USPL1: variants seen among roughly 807,000 people sequenced by gnomAD.
USPL1 encodes SUMO-specific isopeptidase USPL1.
Under a neutral mutation model 51.5 loss-of-function variants are expected in USPL1, and 27 were observed. The ratio of observed to expected loss-of-function variants is 0.52; its 90% CI spans 0.39 to 0.72. The LOEUF (loss-of-function observed/expected upper bound fraction) is 0.72, where lower values mean the gene tolerates loss of function less well. Ranked by LOEUF, USPL1 falls within the 30% of genes least tolerant of loss-of-function variation. The pLI, the probability that USPL1 is intolerant of heterozygous loss-of-function variation, is 0.00. For synonymous variants in USPL1, 451 were observed against 459.6 expected, an observed-to-expected ratio of 0.98 and a Z score of 0.24; for missense variants, 1,226 against 1,268.0, an observed-to-expected ratio of 0.97 and a Z score of 0.50.
rs372887145 is a variant in USPL1 at position 30,635,027 on chromosome 13, GTTGA to G, written c.869-2713_869-2710del. Among the ~76,000 whole-genome samples, 579 of 152,148 alleles carry G rather than the reference GTTGA, an allele frequency of 3.8e-3. 3 individuals are homozygous for G. The highest frequency in any genetic ancestry group is 0.012 in the African/African-American group (517 of 41,500). ...ATCTTATCCCTATTTGTTCTGTTCTGTTGATTGTCACGTTTTAATTGATTTGTAT... is the reference window on the plus strand; with the variant it reads ...ATCTTATCCCTATTTGTTCTGTTCTGTTGTCACGTTTTAATTGATTTGTAT... On this transcript the variant is annotated intron_variant, in intron 4 of 8. Coordinates refer to ENST00000255304, the MANE Select transcript of USPL1 (RefSeq NM_005800.5).
intron 3 of USPL1, among the ~76,000 whole-genome samples, chr13:30,626,243 G>C (rs1437145225): frequency 3.3e-5 from 5 of 152,130 alleles, no homozygotes; most frequent in African/African-American, 1.2e-4. Flanking sequence ...GAAGCCAGTG[G>C]CAGAAGTTGC....
intron 8 of USPL1, among the ~76,000 whole-genome samples, chr13:30,657,216 C>T (rs975560735): frequency 6.6e-6 from 1 of 152,116 alleles, no homozygotes; most frequent in African/African-American, 2.4e-5. Flanking sequence ...ATCATGAAAA[C>T]ATATATGTAT....
chr13:30,659,460 TAATAACC>T lies in USPL1; in HGVS notation c.*106_*112del. The T allele has an allele frequency of 9.4e-7, 1 of 1,064,848 alleles. No individual in the cohort carries two copies. The highest frequency in any genetic ancestry group is 1.3e-6 in the Non-Finnish European group (1 of 771,128). 66.0% of individuals were successfully genotyped at this position (1,064,848 alleles called of 1,614,324 possible). Reference sequence around the variant, plus strand: ...CACTGGACTTGTGTAATTACTTGTGTAATAACCATGAACAAAATGCAAGGTTTAACCT... The same window carrying T: ...CACTGGACTTGTGTAATTACTTGTGTATGAACAAAATGCAAGGTTTAACCT... On this transcript the variant is annotated 3_prime_UTR_variant, in exon 9 of 9. Coordinates refer to ENST00000255304, the MANE Select transcript of USPL1 (RefSeq NM_005800.5).
intron 6 of USPL1, among the ~76,000 whole-genome samples, chr13:30,643,858 C>T (rs550676942): frequency 1.0e-3 from 156 of 151,848 alleles, no homozygotes; most frequent in Non-Finnish European, 1.9e-3. Context: ...GATCCAGCCA[C>T]CTGAGCCTCC....
At chr13:30,647,297 T>G (rs1188815434) in intron 7 of USPL1, among the ~76,000 whole-genome samples, 1 of 152,198 alleles carries the variant, frequency 6.6e-6, no homozygotes, top group East Asian at 1.9e-4. Context: ...TCTTTCCTTC[T>G]TTTTGCCTTT....
At chr13:30,657,322 T>A (rs1951176954) in intron 8 of USPL1, 152 bp from the exon 9 acceptor site, 3 of 777,808 alleles carry the variant, frequency 3.9e-6, no homozygotes, top group Non-Finnish European at 3.9e-6. Context: ...GACTTTAACA[T>A]GGCAGACAAT....
chr13:30,623,619 T>C (rs1057062660), intron 3 of USPL1, among the ~76,000 whole-genome samples: 1 of 150,616 alleles, frequency 6.6e-6, no homozygotes, highest in African/African-American at 2.4e-5. Context: ...GCCTGTTTGC[T>C]AACACCGGGG....
intron 5 of USPL1, among the ~76,000 whole-genome samples, chr13:30,640,484 G>A (rs963524230): frequency 1.4e-4 from 21 of 152,150 alleles, no homozygotes; most frequent in Admixed American, 1.3e-3. Flanking sequence ...GAGGTCAGGA[G>A]TTCAAGATCA....
chr13:30,621,013 G>C, intron 1 of USPL1, 60 bp from the exon 2 acceptor site: 1 of 712,098 alleles, frequency 1.4e-6, no homozygotes, highest in Non-Finnish European at 2.3e-6. Context: ...AAAATAGCAT[G>C]GTTCTTTTTT....
intron 5 of USPL1, among the ~76,000 whole-genome samples, chr13:30,642,174 A>C (rs1279056633): frequency 6.6e-6 from 1 of 152,188 alleles, no homozygotes; most frequent in Non-Finnish European, 1.5e-5. Flanking sequence ...AGAGGCTGGC[A>C]GCAATTCTCA....
Position 30,659,440 on chromosome 13 carries a change from G to T in USPL1, c.*84G>T. 1.7e-6 allele frequency: 2 copies of T among 1,205,020 alleles called. No individual in the cohort carries two copies. The highest frequency in any genetic ancestry group is 3.5e-5 in the South Asian group (2 of 56,524). 74.6% of individuals were successfully genotyped at this position (1,205,020 alleles called of 1,614,324 possible). A position where few individuals can be genotyped will look rare whatever the true frequency, so the allele number is the denominator to read the frequency against. On this transcript the variant is annotated 3_prime_UTR_variant, in exon 9 of 9. Coordinates refer to ENST00000255304, the MANE Select transcript of USPL1 (RefSeq NM_005800.5). ...GTGTTCAGGTAGTGTTTATACACTG[G>T]ACTTGTGTAATTACTTGTGTAATAA...
At chr13:30,643,122 CAATT>C (rs1174630163) in intron 6 of USPL1, among the ~76,000 whole-genome samples, 1 of 152,102 alleles carries the variant, frequency 6.6e-6, no homozygotes, top group Non-Finnish European at 1.5e-5. Context: ...AGGCTAGCAG[CAATT>C]CTCAGAGGTA....
Position 30,630,995 on chromosome 13 carries a change from C to G in USPL1, c.389C>G (p.Ala130Gly). The G allele has an allele frequency of 6.2e-7, 1 of 1,614,006 alleles. No individual in the cohort carries two copies. The highest frequency in any genetic ancestry group is 8.5e-7 in the Non-Finnish European group (1 of 1,180,014). Reference protein sequence around the residue: ...ANSKKTRNYIAIDGGKVLNSK... With the variant: ...ANSKKTRNYIGIDGGKVLNSK... Reference sequence around the variant, plus strand: ...TCCAAAAAGACTAGAAATTATATTGCTATTGACGGTGGAAAAGTTTTGAAC... The same window carrying G: ...TCCAAAAAGACTAGAAATTATATTGGTATTGACGGTGGAAAAGTTTTGAAC... Residue 130 changes from alanine to glycine, a missense_variant, in exon 4 of 9, where the codon GCT becomes GGT. By Grantham distance (60) the Ala-to-Gly change is moderately conservative (BLOSUM62 0). Coordinates refer to ENST00000255304, the MANE Select transcript of USPL1 (RefSeq NM_005800.5).
chr13:30,651,671 AAG>A (rs1951093640), intron 7 of USPL1, among the ~76,000 whole-genome samples: 2 of 152,228 alleles, frequency 1.3e-5, no homozygotes, highest in Non-Finnish European at 2.9e-5. Flanking sequence ...AATATTAGTA[AAG>A]AGTCAGGCCA....
At position 30,649,224 on chromosome 13, in the gene USPL1, AC is replaced by A. The variant is rs531379952; in HGVS notation, c.1238+2168del. Among the ~76,000 whole-genome samples, 468 of 152,310 alleles carry A rather than the reference AC, an allele frequency of 3.1e-3. 1 individual carries two copies. The highest frequency in any genetic ancestry group is 9.9e-3 in the African/African-American group (413 of 41,554). On this transcript the variant is annotated intron_variant, in intron 7 of 8. Transcript: ENST00000255304. ...CCTGTTTTCTTCAAAAGTAAATTGA[AC>A]TAGTGTATGAAGTTTCACTTAAATT...
intron 4 of USPL1, among the ~76,000 whole-genome samples, chr13:30,633,400 G>A (rs986724329): frequency 1.3e-5 from 2 of 152,128 alleles, no homozygotes; most frequent in South Asian, 4.1e-4. Context: ...GATAATGGGG[G>A]ATGGATGGTA....
chr13:30,642,659 C>T lies in USPL1; in HGVS notation c.1014C>T (p.Pro338=), dbSNP rs770811923. 6.2e-7 allele frequency: 1 copy of T among 1,613,604 alleles called. No individual in the cohort carries two copies. Among genetic ancestry groups the T allele is most frequent in the African/African-American group, 1.3e-5 (1 of 74,892 alleles). ...GDMESPVFAF[P]LLLKLETHIE... ...TGGAAAGCCCTGTGTTTGCATTTCC[C>T]CTGCTCTTAAAACTAGAAACCCACA... is the stretch of plus-strand genomic sequence containing the variant. Residue 338 remains proline (P), a synonymous_variant, in exon 6 of 9, where the codon CCC becomes CCT. Transcript: ENST00000255304.
intron 5 of USPL1, among the ~76,000 whole-genome samples, chr13:30,641,965 G>T (rs1269841594): frequency 6.6e-6 from 1 of 151,500 alleles, no homozygotes; most frequent in African/African-American, 2.4e-5. Context: ...GGTATGCAGC[G>T]GCATGATCAT....
At chr13:30,646,899 C>CTAA in intron 6 of USPL1, 33 bp from the exon 7 acceptor site, 1 of 1,588,434 alleles carries the variant, frequency 6.3e-7, no homozygotes, top group Non-Finnish European at 8.6e-7. Context: ...ATGCATTTAA[C>CTAA]GTTAATGAAT....
Sources: gnomAD v4.1 joint callset for allele counts (sites outside exome capture counted in the v4.1 genomes callset) on GRCh38, gnomAD v4.1.1 for gene constraint, MANE v1.5 for transcripts, NCBI Gene and HGNC (gene_info 2026-07-23, HGNC 2026-07-21) for gene names.